BMPR1A: variants seen among roughly 807,000 people sequenced by gnomAD.
BMPR1A encodes bone morphogenetic protein receptor type-1A.
In BMPR1A, 7 loss-of-function variants were observed where a neutral mutation model predicts 66.0. The observed-to-expected ratio is 0.11, with a 90% CI of 0.06 to 0.20. The LOEUF (loss-of-function observed/expected upper bound fraction) is 0.20, where lower values mean the gene tolerates loss of function less well. BMPR1A is among the 10% of genes least tolerant of loss of function. The pLI is 1.00. For synonymous variants in BMPR1A, 200 were observed against 229.7 expected (o/e 0.87, Z 1.17); for missense variants, 408 against 669.1 (o/e 0.61, Z 4.31).
chr10:86,905,362 A>G (rs917050691), intron 7 of BMPR1A, among the ~76,000 whole-genome samples: 2 of 152,160 alleles, frequency 1.3e-5, no homozygotes, highest in Non-Finnish European at 2.9e-5. Context: ...ATCTGCCCCC[A>G]TAACACTTAC....
chr10:86,881,043 T>A lies in BMPR1A; in HGVS notation c.67+4958T>A, dbSNP rs573455401. Reference sequence around the variant, plus strand: ...ACTGAGAGTCCCTTTAAAAAAAAAATAGTTTGAGACCAGCCTGGGCAACAT... The same window carrying A: ...ACTGAGAGTCCCTTTAAAAAAAAAAAAGTTTGAGACCAGCCTGGGCAACAT... On this transcript the variant is annotated intron_variant, in intron 3 of 12. Transcript: ENST00000372037. Among the ~76,000 whole-genome samples, 53 of 151,546 alleles carry A rather than the reference T, an allele frequency of 3.5e-4. No homozygotes were observed. The South Asian group carries it at 0.011, about 31-fold the overall frequency.
intron 1 of BMPR1A, among the ~76,000 whole-genome samples, chr10:86,792,213 A>C (rs755612259): frequency 1.3e-5 from 2 of 150,918 alleles, no homozygotes; most frequent in Non-Finnish European, 3.0e-5. Flanking sequence ...GATTACGGGC[A>C]CACGCCACCA....
Position 86,912,375 on chromosome 10 carries a change from A to G in BMPR1A, c.666A>G (p.Leu222=), listed in dbSNP as rs1843504404. 1 of 1,613,822 alleles carries G rather than the reference A, an allele frequency of 6.2e-7. No homozygotes were observed. Among genetic ancestry groups the G allele is most frequent in the African/African-American group, 1.3e-5 (1 of 74,894 alleles). The change falls in exon 8 of 13, where the codon CTA becomes CTG. Residue 222 remains leucine, a synonymous_variant. Transcript: ENST00000372037. ...AAAGTTCTGGTAGTGGGTCTGGACT[A>G]CCTTTATTGGTAAGTTAAACGTTCC... is the stretch of plus-strand genomic sequence containing the variant. The part of the protein sequence containing the change: ...QSQSSGSGSG[L]PLLVQRTIAK...
chr10:86,856,092 T>C (rs1364085364), intron 2 of BMPR1A: 4 of 539,716 alleles, frequency 7.4e-6, no homozygotes, highest in East Asian at 9.1e-5. Context: ...AAAAAGACTT[T>C]CTTTCAGTAA....
At chr10:86,855,972 C>A in intron 2 of BMPR1A, 1 of 623,318 alleles carries the variant, frequency 1.6e-6, no homozygotes, top group Non-Finnish European at 3.0e-6. Flanking sequence ...TCCAGAATGG[C>A]CACTTTGCCC....
At position 86,801,051 on chromosome 10, in the gene BMPR1A, A is replaced by T. The variant is rs543500456; in HGVS notation, c.-267-37814A>T. On this transcript the variant is annotated intron_variant, in intron 1 of 12. Transcript: ENST00000372037. ...TTATCTGGAAATATTGTTTGCATAG[A>T]TGTTAAAAATATGGGCAGGACAATG... Among the ~76,000 whole-genome samples, 85 of 152,376 alleles carry T rather than the reference A, an allele frequency of 5.6e-4. 3 individuals carry two copies. In the South Asian group the frequency reaches 0.017, roughly 30 times the overall value.
intron 7 of BMPR1A, among the ~76,000 whole-genome samples, chr10:86,907,958 G>A (rs1051788580): frequency 8.5e-5 from 13 of 152,214 alleles, no homozygotes; most frequent in African/African-American, 3.1e-4. Flanking sequence ...GTATTTCAAA[G>A]TAGCTAGTCT....
At chr10:86,840,650 T>C (rs1214864616) in intron 2 of BMPR1A, among the ~76,000 whole-genome samples, 1 of 152,184 alleles carries the variant, frequency 6.6e-6, no homozygotes, top group Non-Finnish European at 1.5e-5. Flanking sequence ...TTCATCTGTT[T>C]ACAGATGGCT....
chr10:86,928,523 C>T (rs896903201), downstream of BMPR1A: 5 of 151,812 alleles, frequency 3.3e-5, no homozygotes, highest in African/African-American at 1.2e-4. Context: ...CATGCCTGGC[C>T]AAAACATTGT....
intron 2 of BMPR1A, among the ~76,000 whole-genome samples, chr10:86,849,829 T>C (rs760777484): frequency 1.3e-5 from 2 of 152,242 alleles, no homozygotes; most frequent in South Asian, 2.1e-4. Flanking sequence ...TCAGTAAATA[T>C]TAGTTTAACT....
At chr10:86,866,547 TGC>T (rs1842790605) in intron 2 of BMPR1A, among the ~76,000 whole-genome samples, 8 of 151,834 alleles carry the variant, frequency 5.3e-5, no homozygotes, top group Admixed American at 4.6e-4. Context: ...TAGCTGGGTT[TGC>T]AGGTGCCTGC....
At chr10:86,904,196 A>T (rs183895046) in intron 7 of BMPR1A, among the ~76,000 whole-genome samples, 27 of 152,338 alleles carry the variant, frequency 1.8e-4, no homozygotes, top group Admixed American at 7.2e-4. Flanking sequence ...GAGCCACTGC[A>T]CTCAGCTTTT....
chr10:86,770,089 G>A (rs1283146881), intron 1 of BMPR1A, among the ~76,000 whole-genome samples: 3 of 152,076 alleles, frequency 2.0e-5, no homozygotes, highest in African/African-American at 7.2e-5. Context: ...TCAGGAGTTC[G>A]AGATCAGCCT....
chr10:86,780,815 A>G (rs1306123584), intron 1 of BMPR1A, among the ~76,000 whole-genome samples: 2 of 152,236 alleles, frequency 1.3e-5, no homozygotes, highest in Admixed American at 6.5e-5. Flanking sequence ...GTACTGTCCA[A>G]TATGACATGT....
At chr10:86,878,173 GT>G (rs756163661) in intron 3 of BMPR1A, among the ~76,000 whole-genome samples, 13 of 152,264 alleles carry the variant, frequency 8.5e-5, no homozygotes, top group Non-Finnish European at 1.3e-4. Context: ...GCTTTATCTT[GT>G]TTTGAATTAT....
intron 1 of BMPR1A, among the ~76,000 whole-genome samples, chr10:86,796,118 C>A (rs1193780009): frequency 6.6e-5 from 10 of 151,986 alleles, no homozygotes; most frequent in Admixed American, 6.6e-4. Flanking sequence ...AATCCCAGTG[C>A]CATATTCTGA....
At chr10:86,842,420 G>A (rs1842436912) in intron 2 of BMPR1A, among the ~76,000 whole-genome samples, 1 of 152,154 alleles carries the variant, frequency 6.6e-6, no homozygotes, top group South Asian at 2.1e-4. Flanking sequence ...GAGCTTGAAA[G>A]TGTATAGAAT....
intron 1 of BMPR1A, among the ~76,000 whole-genome samples, chr10:86,790,367 G>A (rs897817213): frequency 1.4e-4 from 21 of 150,994 alleles, no homozygotes; most frequent in Non-Finnish European, 2.1e-4. Context: ...ATATAAAATC[G>A]TGCAGCTGGT....
chr10:86,923,089 T>C (rs1843690695), intron 11 of BMPR1A, among the ~76,000 whole-genome samples: 1 of 152,212 alleles, frequency 6.6e-6, no homozygotes, highest in Non-Finnish European at 1.5e-5. Flanking sequence ...TACTTTAGGG[T>C]AAATGGCTGA....
Sources: allele counts gnomAD v4.1 joint callset (sites outside exome capture counted in the v4.1 genomes callset), GRCh38; gene constraint gnomAD v4.1.1; transcripts MANE v1.5; gene names NCBI Gene and HGNC (gene_info 2026-07-23, HGNC 2026-07-21).